The following SRSF12 variants were observed in gnomAD, a reference collection of about 807,000 sequenced individuals.
SRSF12 encodes the protein serine and arginine rich splicing factor 12, also known as serine/arginine-rich splicing factor 12.
A neutral mutation model predicts 34.1 loss-of-function variants in SRSF12; 21 were observed. The ratio of observed to expected loss-of-function variants is 0.62; its 90% CI spans 0.44 to 0.89. The LOEUF (loss-of-function observed/expected upper bound fraction) is 0.89, where lower values mean the gene tolerates loss of function less well. Among genes scored for constraint, SRSF12 ranks in the 40% least tolerant of loss-of-function variants. The probability of loss-of-function intolerance (pLI) is 0.00; values close to 1 mark genes in which losing one functional copy is unlikely to be tolerated. For synonymous variants in SRSF12, 111 were observed against 110.8 expected (o/e 1.00, Z -0.01); for missense variants, 278 against 327.8 (o/e 0.85, Z 1.17).
At chr6:89,110,080 G>C (rs1391877282) in intron 1 of SRSF12, among the ~76,000 whole-genome samples, 1 of 150,298 alleles carries the variant, frequency 6.7e-6, no homozygotes, top group Non-Finnish European at 1.5e-5. Context: ...AACAGAGCAA[G>C]ACTCTGTCTC....
At chr6:89,101,790 C>A (rs2127990920) in intron 4 of SRSF12, among the ~76,000 whole-genome samples, 1 of 152,140 alleles carries the variant, frequency 6.6e-6, no homozygotes, top group Middle Eastern at 3.4e-3. Flanking sequence ...ACTGACAACT[C>A]ACTATGGGTA....
chr6:89,111,190 C>T (rs10944431), intron 1 of SRSF12, among the ~76,000 whole-genome samples: 98,737 of 151,156 alleles, frequency 0.65, 33,021 homozygotes, highest in East Asian at 0.78. Flanking sequence ...GTCACTGCAG[C>T]CTCCACTTCC....
chr6:89,097,591 C>A lies in SRSF12; in HGVS notation c.*987G>T, dbSNP rs1165502940. The A allele has an allele frequency of 6.6e-6, 1 of 151,944 alleles. No individual in the cohort carries two copies. The highest frequency in any genetic ancestry group is 1.5e-5 in the Non-Finnish European group (1 of 68,002). The allele number at this position is 151,944 out of a possible 1,614,324, so 9.4% of individuals were successfully genotyped here. ...CTGGTCTCAATCTCCTGGCCTCAAG[C>A]AATCTGCCCGCCTCGACCTCCCAAA... On this transcript the variant is annotated 3_prime_UTR_variant, in exon 5 of 5. Transcript: ENST00000452027.
intron 4 of SRSF12, among the ~76,000 whole-genome samples, chr6:89,099,723 T>A (rs1582250990): frequency 6.6e-6 from 1 of 151,950 alleles, no homozygotes; most frequent in Non-Finnish European, 1.5e-5. Context: ...TCAGTAGAGA[T>A]GGGATTTCTC....
intron 1 of SRSF12, among the ~76,000 whole-genome samples, chr6:89,108,565 AAAATGTGGCTCGGGAG>A (rs1330343881): frequency 6.6e-6 from 1 of 152,244 alleles, no homozygotes; most frequent in Non-Finnish European, 1.5e-5. Flanking sequence ...CTATGATCAT[AAAATGTGGCTCGGGAG>A]AAATAAAGAT....
chr6:89,117,599 G>T (rs1206545474), intron 1 of SRSF12, among the ~76,000 whole-genome samples: 1 of 152,172 alleles, frequency 6.6e-6, no homozygotes, highest in Non-Finnish European at 1.5e-5. Flanking sequence ...CACGATGTGC[G>T]CGGCGCCGGG....
intron 1 of SRSF12, among the ~76,000 whole-genome samples, chr6:89,112,710 C>T (rs778480190): frequency 3.9e-5 from 6 of 151,962 alleles, no homozygotes; most frequent in African/African-American, 7.2e-5. Context: ...CTGAGCCTGG[C>T]CCTAGTCTCA....
rs1475786236 is a variant in SRSF12, at chr6:89,097,323, C to G, written c.*1255G>C. ...TATAATAATCATATGCAAAACCATT[C>G]TATCACAAACACTACCAAAACCCTT... On this transcript the variant is annotated 3_prime_UTR_variant, in exon 5 of 5. Transcript: ENST00000452027. The G allele has an allele frequency of 6.6e-6, 1 of 152,120 alleles. No individual in the cohort carries two copies. Among genetic ancestry groups the G allele is most frequent in the Non-Finnish European group, 1.5e-5 (1 of 68,008 alleles). 9.4% of individuals were successfully genotyped at this position (152,120 alleles called of 1,614,324 possible).
chr6:89,116,791 C>G, intron 1 of SRSF12, among the ~76,000 whole-genome samples: 1 of 145,386 alleles, frequency 6.9e-6, no homozygotes, highest in South Asian at 2.2e-4. Flanking sequence ...AAAAAAAAAA[C>G]TAAAAAATAA....
At chr6:89,103,224 A>G (rs1768618019) in intron 4 of SRSF12, among the ~76,000 whole-genome samples, 1 of 152,182 alleles carries the variant, frequency 6.6e-6, no homozygotes, top group Non-Finnish European at 1.5e-5. Flanking sequence ...CTTTACTTCC[A>G]CTAGAAGGCA....
At chr6:89,115,700 G>C (rs1255476267) in intron 1 of SRSF12, among the ~76,000 whole-genome samples, 2 of 148,116 alleles carry the variant, frequency 1.4e-5, no homozygotes, top group African/African-American at 5.1e-5. Context: ...GCAGTGGCGC[G>C]ATGTTGGCTC....
At chr6:89,116,647 C>T (rs1345290344) in intron 1 of SRSF12, among the ~76,000 whole-genome samples, 2 of 151,816 alleles carry the variant, frequency 1.3e-5, no homozygotes, top group Admixed American at 6.6e-5. Flanking sequence ...TGGTGGCACA[C>T]GCCTGTAATC....
chr6:89,105,017 T>G, intron 4 of SRSF12, 102 bp downstream of exon 4: 1 of 1,223,864 alleles, frequency 8.2e-7, no homozygotes, highest in South Asian at 1.7e-5. Flanking sequence ...GATCGCACAC[T>G]ACTGCACTCC....
chr6:89,110,891 G>A (rs1307058918), intron 1 of SRSF12, among the ~76,000 whole-genome samples: 1 of 152,062 alleles, frequency 6.6e-6, no homozygotes, highest in Non-Finnish European at 1.5e-5. Context: ...CAAGGTGGGA[G>A]GACTACTTGA....
At chr6:89,117,568 GA>G (rs1384688209) in intron 1 of SRSF12, among the ~76,000 whole-genome samples, 3 of 152,212 alleles carry the variant, frequency 2.0e-5, no homozygotes, top group Non-Finnish European at 4.4e-5. Context: ...CTGAACCGCG[GA>G]AAGCGACGCG....
chr6:89,113,152 T>C (rs531585542), intron 1 of SRSF12, among the ~76,000 whole-genome samples: 4 of 152,256 alleles, frequency 2.6e-5, no homozygotes, highest in Admixed American at 1.3e-4. Context: ...ATTTTACATA[T>C]GTTTTATTTA....
At chr6:89,106,301 C>T (rs1401745765) in intron 2 of SRSF12, among the ~76,000 whole-genome samples, 1 of 151,928 alleles carries the variant, frequency 6.6e-6, no homozygotes, top group South Asian at 2.1e-4. Flanking sequence ...TTAGTAGACA[C>T]GGGGTTTCAC....
At position 89,096,159 on chromosome 6, in the gene SRSF12, T is replaced by C. The variant is rs1437399006; in HGVS notation, c.*2419A>G. 3.6e-5 allele frequency: 5 copies of C among 140,622 alleles called. No homozygotes were observed. Among genetic ancestry groups the C allele is most frequent in the Admixed American group, 2.2e-4 (3 of 13,910 alleles). The allele number at this position is 140,622 out of a possible 1,614,324, so 8.7% of individuals were successfully genotyped here. On this transcript the variant is annotated 3_prime_UTR_variant, in exon 5 of 5. Coordinates refer to ENST00000452027, the MANE Select transcript of SRSF12 (RefSeq NM_080743.5). ...CAGTCATTCCTTTTTCTAATTCTAT[T>C]CTCTCATTTCTTTCTAAACATGATT... is the stretch of plus-strand genomic sequence containing the variant.
At chr6:89,107,492 G>A (rs1314283375) in intron 1 of SRSF12, among the ~76,000 whole-genome samples, 8 of 152,258 alleles carry the variant, frequency 5.3e-5, no homozygotes, top group African/African-American at 1.9e-4. Context: ...CACTTTGGGG[G>A]ACCAAGGTAT....
Sources: allele counts gnomAD v4.1 joint callset (sites outside exome capture counted in the v4.1 genomes callset), GRCh38; gene constraint gnomAD v4.1.1; transcripts MANE v1.5; gene names NCBI Gene and HGNC (gene_info 2026-07-23, HGNC 2026-07-21).